The following GRM7 variants were observed in gnomAD, a reference collection of about 807,000 sequenced individuals.
GRM7 encodes the protein metabotropic glutamate receptor 7.
Under a neutral mutation model 84.5 loss-of-function variants are expected in GRM7, and 35 were observed. The ratio of observed to expected loss-of-function variants is 0.41; its 90% CI spans 0.32 to 0.55. The LOEUF (loss-of-function observed/expected upper bound fraction) is 0.55. GRM7 is among the 20% of genes least tolerant of loss of function. The pLI is 0.19. For missense variants in GRM7, 1,003 were observed against 1,194.6 expected, an observed-to-expected ratio of 0.84 and a Z score of 2.36; for synonymous variants, 487 against 455.1, an observed-to-expected ratio of 1.07 and a Z score of -0.89.
rs966806889 is a variant in GRM7, at chr3:7,356,956, A to G, written c.1033+50304A>G. Among the ~76,000 whole-genome samples, 3 of 150,724 alleles carry G rather than the reference A, an allele frequency of 2.0e-5. No homozygotes were observed. In the East Asian group the frequency reaches 5.8e-4, roughly 29 times the overall value. Reference sequence around the variant, plus strand: ...CACACACACACACACACACACACACACACACACAGTTATATGTAATATACT... The same window carrying G: ...CACACACACACACACACACACACACGCACACACAGTTATATGTAATATACT... On this transcript the variant is annotated intron_variant, in intron 4 of 9. Transcript: ENST00000357716.
Position 7,276,796 on chromosome 3 carries a change from T to TCCCTCCC in GRM7, c.737-21888_737-21887insCCCTCCC, listed in dbSNP as rs1237423928. 7.0e-3 allele frequency among the ~76,000 whole-genome samples: 21 copies of TCCCTCCC among 2,996 alleles called. 2 individuals are homozygous for TCCCTCCC. The highest frequency in any genetic ancestry group is 0.013 in the Non-Finnish European group (17 of 1,316). The allele number at this position is 2,996 out of a possible 152,430, so 2.0% of individuals were successfully genotyped here. A position where few individuals can be genotyped will look rare whatever the true frequency, so the allele number is the denominator to read the frequency against. On this transcript the variant is annotated intron_variant, in intron 2 of 9. Transcript: ENST00000357716. ...CTTCCTTCCTTCCTTCCTTCCTTCC[T>TCCCTCCC]TCCTTCCTTTTTGGTGGTGGCATGT...
chr3:7,667,029 C>T (rs963183679), intron 8 of GRM7, among the ~76,000 whole-genome samples: 1 of 151,946 alleles, frequency 6.6e-6, no homozygotes, highest in Non-Finnish European at 1.5e-5. Context: ...TGGAGATGAT[C>T]ATCCCTACAC....
chr3:7,721,773 G>T (rs1354506460), intron 9 of GRM7, among the ~76,000 whole-genome samples: 1 of 152,186 alleles, frequency 6.6e-6, no homozygotes, highest in Non-Finnish European at 1.5e-5. Flanking sequence ...ATGGTTGTAT[G>T]CAAGACTAGC....
At chr3:7,606,423 G>T (rs1410747123) in intron 8 of GRM7, among the ~76,000 whole-genome samples, 1 of 152,156 alleles carries the variant, frequency 6.6e-6, no homozygotes, top group Non-Finnish European at 1.5e-5. Flanking sequence ...AATCAGAGGT[G>T]GGTGATTTGG....
At chr3:6,921,379 G>A (rs1697119073) in intron 1 of GRM7, among the ~76,000 whole-genome samples, 1 of 152,138 alleles carries the variant, frequency 6.6e-6, no homozygotes, top group South Asian at 2.1e-4. Flanking sequence ...ATGCCGGGCT[G>A]GTTTCAATAA....
chr3:7,119,135 G>A (rs566429402), intron 1 of GRM7, among the ~76,000 whole-genome samples: 27 of 152,138 alleles, frequency 1.8e-4, no homozygotes, highest in Middle Eastern at 3.4e-3. Flanking sequence ...ATGAGTGTGC[G>A]TGTTTGTGAC....
At chr3:6,875,038 G>A (rs543949261) in intron 1 of GRM7, among the ~76,000 whole-genome samples, 1 of 152,078 alleles carries the variant, frequency 6.6e-6, no homozygotes, top group Non-Finnish European at 1.5e-5. Flanking sequence ...ATCCTCTATA[G>A]CATCTAACTC....
intron 8 of GRM7, among the ~76,000 whole-genome samples, chr3:7,623,478 A>C (rs961512232): frequency 5.9e-5 from 9 of 152,160 alleles, no homozygotes; most frequent in African/African-American, 1.9e-4. Flanking sequence ...AGCTAGGCCA[A>C]AGTGAAATTG....
At chr3:7,536,688 A>G (rs1176194933) in intron 7 of GRM7, among the ~76,000 whole-genome samples, 1 of 152,164 alleles carries the variant, frequency 6.6e-6, no homozygotes, top group Non-Finnish European at 1.5e-5. Flanking sequence ...AGCCAAATGC[A>G]CAGGCTCATT....
At chr3:7,201,131 G>A (rs1335416911) in intron 2 of GRM7, among the ~76,000 whole-genome samples, 5 of 151,712 alleles carry the variant, frequency 3.3e-5, no homozygotes, top group South Asian at 2.1e-4. Context: ...CACCACGCCC[G>A]GCTAATTTTT....
chr3:7,459,345 G>T (rs1411024055), intron 6 of GRM7, among the ~76,000 whole-genome samples: 2 of 152,154 alleles, frequency 1.3e-5, no homozygotes, highest in Non-Finnish European at 2.9e-5. Flanking sequence ...TAACCAGCAG[G>T]TGGGGAGCAG....
chr3:7,473,564 A>G (rs1250493369), intron 7 of GRM7, among the ~76,000 whole-genome samples: 1 of 150,556 alleles, frequency 6.6e-6, no homozygotes, highest in African/African-American at 2.4e-5. Flanking sequence ...AACATCTCAG[A>G]AAAGGGAGGT....
intron 8 of GRM7, among the ~76,000 whole-genome samples, chr3:7,656,636 G>A (rs1699214133): frequency 6.6e-6 from 1 of 151,870 alleles, no homozygotes; most frequent in South Asian, 2.1e-4. Context: ...CAGGGGTAGG[G>A]AGGTTAAAGT....
intron 5 of GRM7, among the ~76,000 whole-genome samples, chr3:7,426,983 T>C (rs532803115): frequency 3.5e-4 from 53 of 152,342 alleles, no homozygotes; most frequent in African/African-American, 1.2e-3. Flanking sequence ...CTCAGCTTGC[T>C]GCACTTAGAA....
chr3:7,706,875 C>T (rs968528280), intron 9 of GRM7, among the ~76,000 whole-genome samples: 3 of 152,098 alleles, frequency 2.0e-5, no homozygotes, highest in African/African-American at 4.8e-5. Context: ...CACCCTAAAT[C>T]GCATGGTCAC....
At chr3:7,093,505 C>T (rs533245002) in intron 1 of GRM7, among the ~76,000 whole-genome samples, 31 of 151,060 alleles carry the variant, frequency 2.1e-4, no homozygotes, top group South Asian at 1.5e-3. Context: ...TGGTGAAACC[C>T]CGTCTCTAAT....
intron 1 of GRM7, chr3:6,956,432 T>C: frequency 2.5e-6 from 1 of 396,454 alleles, no homozygotes; most frequent in Non-Finnish European, 4.9e-6. Flanking sequence ...CTCAGACCTT[T>C]CTCTCTAAGA....
chr3:7,349,028 G>C (rs1167324679), intron 4 of GRM7, among the ~76,000 whole-genome samples: 1 of 152,098 alleles, frequency 6.6e-6, no homozygotes, highest in Non-Finnish European at 1.5e-5. Context: ...CGTGGTCCCT[G>C]TGGTCCTCCT....
chr3:6,887,873 C>T (rs941633929), intron 1 of GRM7, among the ~76,000 whole-genome samples: 1 of 152,180 alleles, frequency 6.6e-6, no homozygotes, highest in Non-Finnish European at 1.5e-5. Context: ...CCTATTTCTC[C>T]ACATCCTCTC....
Sources: gnomAD v4.1 joint callset for allele counts (sites outside exome capture counted in the v4.1 genomes callset) on GRCh38, gnomAD v4.1.1 for gene constraint, MANE v1.5 for transcripts, NCBI Gene and HGNC (gene_info 2026-07-23, HGNC 2026-07-21) for gene names.